TPTE: variants seen among roughly 807,000 people sequenced by gnomAD.
TPTE encodes the protein transmembrane phosphatase with tensin homology.
In TPTE, 59 loss-of-function variants were observed where a neutral mutation model predicts 84.1. The ratio of observed to expected loss-of-function variants is 0.70; its 90% CI spans 0.57 to 0.87. TPTE has a LOEUF of 0.87. Among genes scored for constraint, TPTE ranks in the 40% least tolerant of loss-of-function variants. The pLI, the probability that TPTE is intolerant of heterozygous loss-of-function variation, is 0.00. For synonymous variants in TPTE, 130 were observed against 223.5 expected, an observed-to-expected ratio of 0.58 and a Z score of 3.73; for missense variants, 382 against 659.6, an observed-to-expected ratio of 0.58 and a Z score of 4.61.
Position 10,542,623 on chromosome 21 carries a change from A to G in TPTE, c.119+175A>G, listed in dbSNP as rs571676063. Among the ~76,000 whole-genome samples the G allele has an allele frequency of 5.3e-5, 8 of 152,298 alleles. No individual in the cohort carries two copies. In the South Asian group the frequency reaches 8.3e-4, roughly 16 times the overall value. The stretch of plus-strand genomic sequence containing the variant: ...TCCATCCATTCATCCATCCATCCAC[A>G]CGTCTCTTCAACACACTTACACAAA... On this transcript the variant is annotated intron_variant, in intron 6 of 23. Transcript: ENST00000618007.
chr21:10,566,169 T>C (rs1404922373), intron 10 of TPTE, among the ~76,000 whole-genome samples: 1 of 152,310 alleles, frequency 6.6e-6, no homozygotes, highest in Non-Finnish European at 1.5e-5. Flanking sequence ...TAGGAAAAAA[T>C]CTAATAATCT....
At chr21:10,536,876 A>G (rs1296484479) in intron 3 of TPTE, among the ~76,000 whole-genome samples, 1 of 152,310 alleles carries the variant, frequency 6.6e-6, no homozygotes, top group Non-Finnish European at 1.5e-5. Context: ...AAGGGAAGAA[A>G]ACCCTATGCA....
intron 17 of TPTE, among the ~76,000 whole-genome samples, chr21:10,589,575 A>T (rs1315603026): frequency 6.6e-6 from 1 of 152,310 alleles, no homozygotes; most frequent in East Asian, 1.9e-4. Flanking sequence ...AAATGCCGGC[A>T]GCGTTTCCCT....
At chr21:10,540,921 G>A (rs1339628501) in intron 4 of TPTE, among the ~76,000 whole-genome samples, 191 bp from the exon 5 acceptor site, 1 of 152,304 alleles carries the variant, frequency 6.6e-6, no homozygotes, top group Non-Finnish European at 1.5e-5. Flanking sequence ...AGCCTAAAAT[G>A]CTCACTGTTG....
chr21:10,563,265 C>A (rs1455265486), intron 10 of TPTE, among the ~76,000 whole-genome samples: 2 of 152,306 alleles, frequency 1.3e-5, no homozygotes, highest in Non-Finnish European at 2.9e-5. Flanking sequence ...GGGAGTATTT[C>A]AATCAGAAAG....
chr21:10,568,597 G>A (rs2074974198), intron 11 of TPTE, among the ~76,000 whole-genome samples: 1 of 152,308 alleles, frequency 6.6e-6, no homozygotes, highest in Admixed American at 6.5e-5. Flanking sequence ...CTGGACTACA[G>A]CTCAGGCCCC....
intron 8 of TPTE, among the ~76,000 whole-genome samples, chr21:10,555,562 G>T (rs8130191): frequency 6.6e-6 from 1 of 152,228 alleles, no homozygotes; most frequent in Non-Finnish European, 1.5e-5. Flanking sequence ...CTCATGTATA[G>T]CATGTAATGC....
intron 4 of TPTE, among the ~76,000 whole-genome samples, chr21:10,540,218 T>G (rs1055383325): frequency 6.6e-6 from 1 of 152,304 alleles, no homozygotes; most frequent in African/African-American, 2.4e-5. Flanking sequence ...AATACAGTTA[T>G]ACATGTGTCT....
At chr21:10,568,925 A>G (rs2074982110) in intron 11 of TPTE, among the ~76,000 whole-genome samples, 1 of 152,306 alleles carries the variant, frequency 6.6e-6, no homozygotes, top group Admixed American at 6.5e-5. Flanking sequence ...GAAGTATCTC[A>G]ATCTGTTGCC....
intron 8 of TPTE, among the ~76,000 whole-genome samples, chr21:10,553,874 T>G (rs1392895535): frequency 6.6e-6 from 1 of 152,308 alleles, no homozygotes; most frequent in Non-Finnish European, 1.5e-5. Flanking sequence ...TTTAAAAAAT[T>G]AGTAATAAAA....
chr21:10,588,280 T>C (rs2075402732), intron 17 of TPTE, among the ~76,000 whole-genome samples: 1 of 152,312 alleles, frequency 6.6e-6, no homozygotes, highest in East Asian at 1.9e-4. Flanking sequence ...ATGTGGTTTC[T>C]GTTTAATTCT....
At chr21:10,543,690 A>G (rs1331116883) in intron 7 of TPTE, among the ~76,000 whole-genome samples, 2 of 152,196 alleles carry the variant, frequency 1.3e-5, no homozygotes, top group African/African-American at 4.8e-5. Flanking sequence ...TAAGGAGGTC[A>G]GTTCGTAGGA....
In TPTE at chr21:10,567,663, A is replaced by G. The variant is rs369033324; in HGVS notation, c.447-7A>G. 1.9e-6 allele frequency: 3 copies of G among 1,610,462 alleles called. No individual in the cohort carries two copies. The highest frequency in any genetic ancestry group is 2.5e-6 in the Non-Finnish European group (3 of 1,178,954). ...AATGAACTTATTTTTTTTGTTTTAT[A>G]TTACAGGAGACAGCAGTATTTTTCT... On this transcript the variant is annotated splice_region_variant and splice_polypyrimidine_tract_variant and intron_variant, in intron 10 of 23. Transcript: ENST00000618007.
chr21:10,559,896 AAAG>A (rs1206493428), intron 9 of TPTE, among the ~76,000 whole-genome samples: 21 of 152,044 alleles, frequency 1.4e-4, no homozygotes, highest in African/African-American at 3.6e-4. Flanking sequence ...AAAAAAAAGA[AAAG>A]AAAATATATG....
At chr21:10,565,232 A>G (rs1378955539) in intron 10 of TPTE, among the ~76,000 whole-genome samples, 1 of 152,312 alleles carries the variant, frequency 6.6e-6, no homozygotes, top group Non-Finnish European at 1.5e-5. Flanking sequence ...TGGAAAGGAC[A>G]TTTAAAAAGT....
At chr21:10,527,114 C>T (rs2074092577) in intron 2 of TPTE, among the ~76,000 whole-genome samples, 2 of 152,294 alleles carry the variant, frequency 1.3e-5, no homozygotes, top group Admixed American at 6.5e-5. Context: ...CTTACATTTT[C>T]TTTCTTTTTT....
chr21:10,597,424 T>C (rs1457873360), intron 20 of TPTE, among the ~76,000 whole-genome samples: 12 of 152,206 alleles, frequency 7.9e-5, no homozygotes, highest in African/African-American at 2.7e-4. Flanking sequence ...TTTTTTTTTT[T>C]TTTTTTTGGA....
intron 18 of TPTE, 78 bp downstream of exon 18, chr21:10,590,601 A>C: frequency 6.2e-7 from 1 of 1,600,284 alleles, no homozygotes; most frequent in Middle Eastern, 1.7e-4. Flanking sequence ...CAGGACATTA[A>C]GATGATTATT....
At chr21:10,521,902 A>G (rs2073983872) in intron 1 of TPTE, among the ~76,000 whole-genome samples, 1 of 152,018 alleles carries the variant, frequency 6.6e-6, no homozygotes, top group South Asian at 2.1e-4. Flanking sequence ...AAACTCCGCG[A>G]CGCCTCCCTC....
Sources: allele counts gnomAD v4.1 joint callset (sites outside exome capture counted in the v4.1 genomes callset), GRCh38; gene constraint gnomAD v4.1.1; transcripts MANE v1.5; gene names NCBI Gene and HGNC (gene_info 2026-07-23, HGNC 2026-07-21).